The following AUH variants were observed in gnomAD, a reference collection of about 807,000 sequenced individuals.
AUH encodes the protein methylglutaconyl-CoA hydratase, mitochondrial.
In AUH, 29 loss-of-function variants were observed where a neutral mutation model predicts 42.3. That is an observed-to-expected ratio of 0.69 (90% CI 0.51 to 0.93). The LOEUF is 0.93. AUH is among the 40% of genes least tolerant of loss of function. The probability of loss-of-function intolerance (pLI) is 0.00; values close to 1 mark genes in which losing one functional copy is unlikely to be tolerated. For missense variants in AUH, 452 were observed against 438.1 expected, an observed-to-expected ratio of 1.03 and a Z score of -0.28; for synonymous variants, 174 against 166.4, an observed-to-expected ratio of 1.05 and a Z score of -0.35.
intron 3 of AUH, among the ~76,000 whole-genome samples, chr9:91,333,999 G>C (rs1219766187): frequency 6.6e-6 from 1 of 152,180 alleles, no homozygotes; most frequent in Non-Finnish European, 1.5e-5. Context: ...AGCCTGAAGA[G>C]TTTTATGACA....
intron 3 of AUH, among the ~76,000 whole-genome samples, chr9:91,352,969 G>T (rs1322375633): frequency 6.6e-6 from 1 of 152,158 alleles, no homozygotes. Context: ...CTGGAATACA[G>T]TATTAATATA....
chr9:91,357,812 G>T (rs974258754), intron 1 of AUH, among the ~76,000 whole-genome samples: 10 of 152,220 alleles, frequency 6.6e-5, no homozygotes, highest in Non-Finnish European at 1.2e-4. Context: ...TAACCTACGA[G>T]GGGGAGAAGA....
chr9:91,267,604 G>A (rs1198862282), intron 6 of AUH, among the ~76,000 whole-genome samples: 2 of 152,118 alleles, frequency 1.3e-5, no homozygotes, highest in Admixed American at 6.5e-5. Context: ...CTACCACAGG[G>A]AGTACACAGC....
chr9:91,327,492 A>C (rs1830036521), intron 3 of AUH, among the ~76,000 whole-genome samples: 1 of 152,130 alleles, frequency 6.6e-6, no homozygotes, highest in African/African-American at 2.4e-5. Flanking sequence ...TAAAAACCCC[A>C]GACTCACCCT....
intron 3 of AUH, among the ~76,000 whole-genome samples, chr9:91,351,268 T>A (rs982769568): frequency 7.9e-5 from 12 of 152,206 alleles, no homozygotes; most frequent in Middle Eastern, 3.4e-3. Context: ...ACCTGGCCCA[T>A]GAACTTATTG....
intron 5 of AUH, among the ~76,000 whole-genome samples, chr9:91,296,461 C>T (rs539291986): frequency 6.6e-6 from 1 of 152,216 alleles, no homozygotes; most frequent in South Asian, 2.1e-4. Flanking sequence ...TGAATATAGT[C>T]CCCCAGACCA....
Position 91,217,416 on chromosome 9 carries a change from G to A in AUH, c.844-89C>T, listed in dbSNP as rs959703060. On this transcript the variant is annotated intron_variant, in intron 7 of 9. Coordinates refer to ENST00000375731, the MANE Select transcript of AUH (RefSeq NM_001698.3). ...AGTAAAATTCAGAATTCCCACCACTGGATCCATTGCACAGCCAGCAATGGC... is the reference window on the plus strand; with the variant it reads ...AGTAAAATTCAGAATTCCCACCACTAGATCCATTGCACAGCCAGCAATGGC... The A allele has an allele frequency of 8.6e-6, 12 of 1,391,794 alleles. No homozygotes were observed. In the African/African-American group the frequency reaches 1.4e-4, roughly 17 times the overall value. 86.2% of individuals were successfully genotyped at this position (1,391,794 alleles called of 1,614,324 possible).
At chr9:91,319,559 A>G (rs1366982809) in intron 4 of AUH, among the ~76,000 whole-genome samples, 1 of 152,230 alleles carries the variant, frequency 6.6e-6, no homozygotes, top group Non-Finnish European at 1.5e-5. Context: ...GAAACTGGTG[A>G]TCAGCAGCTT....
At chr9:91,343,175 G>A (rs7856089) in intron 3 of AUH, 99,409 of 151,904 alleles carry the variant, frequency 0.65, 33,429 homozygotes, top group Admixed American at 0.77. Flanking sequence ...GAGGGGTGGG[G>A]GCAGGGGTGC....
At chr9:91,240,496 T>C (rs1324926919) in intron 6 of AUH, among the ~76,000 whole-genome samples, 3 of 152,130 alleles carry the variant, frequency 2.0e-5, no homozygotes, top group African/African-American at 4.8e-5. Context: ...GGCTAGTAAA[T>C]TGGAGTGAAG....
At chr9:91,285,712 A>T (rs2131591311) in intron 6 of AUH, among the ~76,000 whole-genome samples, 1 of 152,306 alleles carries the variant, frequency 6.6e-6, no homozygotes, top group South Asian at 2.1e-4. Flanking sequence ...GTACAAAGTC[A>T]GCAAATAACT....
At chr9:91,331,516 C>A (rs1172447806) in intron 3 of AUH, among the ~76,000 whole-genome samples, 1 of 152,070 alleles carries the variant, frequency 6.6e-6, no homozygotes, top group Admixed American at 6.6e-5. Flanking sequence ...ATGTAACTTG[C>A]CAGTAATAAC....
chr9:91,306,291 T>G (rs1488593972), intron 4 of AUH: 3 of 900,600 alleles, frequency 3.3e-6, no homozygotes, highest in Non-Finnish European at 4.0e-6. Context: ...GGGAAGTCCA[T>G]GCCCATTCAG....
At chr9:91,218,944 CTTAT>C (rs1826976225) in intron 7 of AUH, 2 of 985,314 alleles carry the variant, frequency 2.0e-6, no homozygotes, top group Non-Finnish European at 2.4e-6. Flanking sequence ...TCAACATCTT[CTTAT>C]TTGTTTGACC....
intron 6 of AUH, among the ~76,000 whole-genome samples, chr9:91,235,052 G>T (rs1045537443): frequency 3.9e-5 from 6 of 151,958 alleles, no homozygotes; most frequent in African/African-American, 1.5e-4. Flanking sequence ...GATGTGAGGA[G>T]GAGCAGGACA....
chr9:91,275,549 G>A (rs1825473928), intron 6 of AUH, among the ~76,000 whole-genome samples: 3 of 152,168 alleles, frequency 2.0e-5, no homozygotes, highest in Non-Finnish European at 4.4e-5. Context: ...AGTACAGTTA[G>A]ATAATTAAAT....
intron 6 of AUH, among the ~76,000 whole-genome samples, chr9:91,274,576 G>A (rs1825401294): frequency 6.6e-6 from 1 of 152,168 alleles, no homozygotes; most frequent in Non-Finnish European, 1.5e-5. Flanking sequence ...AGCAAAAAAT[G>A]TATAACTGCA....
chr9:91,230,923 A>G (rs1444704083), intron 6 of AUH, among the ~76,000 whole-genome samples: 2 of 152,202 alleles, frequency 1.3e-5, no homozygotes, highest in African/African-American at 4.8e-5. Context: ...TCCGATCTCC[A>G]GCTGCCTACT....
chr9:91,338,849 C>T (rs1449628035), intron 3 of AUH, among the ~76,000 whole-genome samples: 1 of 152,160 alleles, frequency 6.6e-6, no homozygotes, highest in Non-Finnish European at 1.5e-5. Context: ...ACTAATGAGA[C>T]TCACTAACAC....
Sources: allele counts gnomAD v4.1 joint callset (sites outside exome capture counted in the v4.1 genomes callset), GRCh38; gene constraint gnomAD v4.1.1; transcripts MANE v1.5; gene names NCBI Gene and HGNC (gene_info 2026-07-23, HGNC 2026-07-21).